The following MKNK1 variants were observed in gnomAD, a reference collection of about 807,000 sequenced individuals.
MKNK1 encodes the protein MAP kinase-interacting serine/threonine-protein kinase 1.
MKNK1 carries 30 observed loss-of-function variants against 49.3 expected under a neutral mutation model. That is an observed-to-expected ratio of 0.61 (90% confidence interval 0.46 to 0.83). The LOEUF is 0.83. MKNK1 is among the 40% of genes least tolerant of loss of function. MKNK1 has a pLI of 0.00. For synonymous variants in MKNK1, 176 were observed against 201.7 expected, an observed-to-expected ratio of 0.87 and a Z score of 1.08; for missense variants, 423 against 524.7, an observed-to-expected ratio of 0.81 and a Z score of 1.89.
intron 8 of MKNK1, chr1:46,565,464 T>C: frequency 2.9e-6 from 1 of 350,664 alleles, no homozygotes; most frequent in South Asian, 2.6e-5. Context: ...GGGAAGTTAC[T>C]GTGTACTCCT....
intron 7 of MKNK1, chr1:46,571,321 A>C (rs1027527471): frequency 1.8e-5 from 4 of 228,004 alleles, no homozygotes; most frequent in African/African-American, 9.5e-5. Context: ...AGGCAGGAGG[A>C]TCGCTTGAGC....
chr1:46,583,401 A>C, intron 2 of MKNK1, 72 bp from the exon 3 acceptor site: 1 of 1,205,290 alleles, frequency 8.3e-7, no homozygotes, highest in Non-Finnish European at 1.2e-6. Context: ...CAGAAGGAAA[A>C]AAAAAAGGTA....
At position 46,572,116 on chromosome 1, in the gene MKNK1, G is replaced by C; in HGVS notation, c.404C>G (p.Ala135Gly). 6.2e-7 allele frequency: 1 copy of C among 1,614,172 alleles called. No individual in the cohort carries two copies. Among genetic ancestry groups the C allele is most frequent in the Non-Finnish European group, 8.5e-7 (1 of 1,180,016 alleles). ...AGCAACGTCCCGCACCACTCGGCTG[G>C]CTTCTCGCTCATTGAAGTGCTTTTG... ...QKQKHFNEREASRVVRDVAAA... is the reference protein window; with the variant it reads ...QKQKHFNEREGSRVVRDVAAA... Residue 135 changes from alanine to glycine, a missense_variant, in exon 7 of 13, where the codon GCC becomes GGC. By Grantham distance (60) the Ala-to-Gly change is moderately conservative. Coordinates refer to ENST00000371945, the MANE Select transcript of MKNK1 (RefSeq NM_001135553.4).
chr1:46,591,894 A>G (rs534736026), intron 2 of MKNK1, among the ~76,000 whole-genome samples: 1 of 152,364 alleles, frequency 6.6e-6, no homozygotes, highest in South Asian at 2.1e-4. Flanking sequence ...TTGGAATTCA[A>G]TAAAACTGAC....
chr1:46,558,923 A>G, intron 12 of MKNK1, 123 bp from the exon 13 acceptor site: 1 of 796,862 alleles, frequency 1.3e-6, no homozygotes, highest in Non-Finnish European at 2.0e-6. Context: ...CAGAGCTGGG[A>G]CGGGCTGCTC....
intron 2 of MKNK1, among the ~76,000 whole-genome samples, chr1:46,590,741 G>C (rs1223471578): frequency 3.3e-5 from 5 of 152,272 alleles, no homozygotes; most frequent in African/African-American, 9.6e-5. Context: ...GATGTGCTGT[G>C]AATGAGGTAT....
In MKNK1 at chr1:46,564,044, C is replaced by CAAAAAAAAAAAAAAAAAAAAA. The variant is rs1217205121; in HGVS notation, c.609+976_609+996dup. On this transcript the variant is annotated intron_variant, in intron 9 of 12. Transcript: ENST00000371945. ...TGGGCAACAGAGCAAGACTCTGTCT[C>CAAAAAAAAAAAAAAAAAAAAA]AAAAAAAAAAAAAAAAAAAAAGGGT... Among the ~76,000 whole-genome samples, 138 of 39,076 alleles carry CAAAAAAAAAAAAAAAAAAAAA rather than the reference C, an allele frequency of 3.5e-3. 15 individuals are homozygous for CAAAAAAAAAAAAAAAAAAAAA. Among genetic ancestry groups the CAAAAAAAAAAAAAAAAAAAAA allele is most frequent in the African/African-American group, 0.011 (102 of 9,202 alleles). 25.6% of individuals were successfully genotyped at this position (39,076 alleles called of 152,430 possible).
intron 7 of MKNK1, chr1:46,571,558 G>C: frequency 2.3e-6 from 1 of 436,370 alleles, no homozygotes. Flanking sequence ...GAAAAAAAAG[G>C]AAAAAGAAAA....
At chr1:46,602,420 A>G (rs908276713) in intron 1 of MKNK1, among the ~76,000 whole-genome samples, 1 of 152,106 alleles carries the variant, frequency 6.6e-6, no homozygotes, top group Non-Finnish European at 1.5e-5. Flanking sequence ...TCAAAAAAAA[A>G]GGAGAAACAG....
intron 1 of MKNK1, among the ~76,000 whole-genome samples, chr1:46,595,672 C>G (rs1673972018): frequency 6.6e-6 from 1 of 152,166 alleles, no homozygotes; most frequent in Non-Finnish European, 1.5e-5. Context: ...AATCTGAAAC[C>G]CAGTAAAACT....
At chr1:46,596,463 A>G (rs572730409) in intron 1 of MKNK1, among the ~76,000 whole-genome samples, 1 of 152,206 alleles carries the variant, frequency 6.6e-6, no homozygotes, top group South Asian at 2.1e-4. Context: ...CCTACAGTAG[A>G]AAAAAAACCC....
At chr1:46,596,879 T>C (rs1356846940) in intron 1 of MKNK1, among the ~76,000 whole-genome samples, 1 of 152,110 alleles carries the variant, frequency 6.6e-6, no homozygotes. Context: ...TGACAGCAAA[T>C]ACAAAGGCAG....
rs1667713863 is a variant in MKNK1, at chr1:46,560,261, C to G, written c.986G>C (p.Gly329Ala). 2 of 1,613,960 alleles carry G rather than the reference C, an allele frequency of 1.2e-6. No individual in the cohort carries two copies. Among genetic ancestry groups the G allele is most frequent in the Non-Finnish European group, 1.7e-6 (2 of 1,180,012 alleles). The change falls in exon 12 of 13, where the codon GGA (glycine) becomes GCA (alanine). Residue 329 changes from glycine (G) to alanine (A), a missense_variant. Gly to Ala is a moderately conservative substitution (Grantham distance 60). Transcript: ENST00000371945. Reference sequence around the variant, plus strand: ...CTGGAGGACTTGCGGCGTGGGGAGTCCCTTTTCTGGAGCTTGCTAGAATGG... The same window carrying G: ...CTGGAGGACTTGCGGCGTGGGGAGTGCCTTTTCTGGAGCTTGCTAGAATGG... The part of the protein sequence containing the change: ...PWVQGQAPEK[G>A]LPTPQVLQRN...
rs1441183441 is a variant in MKNK1, at chr1:46,558,148, G to A, written c.*427C>T. 1 of 164,316 alleles carries A rather than the reference G, an allele frequency of 6.1e-6. No individual in the cohort carries two copies. Among genetic ancestry groups the A allele is most frequent in the African/African-American group, 2.4e-5 (1 of 41,772 alleles). The allele number at this position is 164,316 out of a possible 1,614,324, so 10.2% of individuals were successfully genotyped here. A position where few individuals can be genotyped will look rare whatever the true frequency, so the allele number is the denominator to read the frequency against. ...GAGGAAGGTGGAAGGACCGCCAGAG[G>A]AGGGTGACAGAGAAGAGAGGGAAGA... On this transcript the variant is annotated 3_prime_UTR_variant, in exon 13 of 13. Transcript: ENST00000371945.
chr1:46,562,641 G>A lies in MKNK1; in HGVS notation c.804+8C>T, dbSNP rs372203393. On this transcript the variant is annotated splice_region_variant and intron_variant, in intron 10 of 12. Transcript: ENST00000371945. ...GGTCTACGCAGTGCTCCCTGGGGCCGCACTCACCTGGCACACCCTGCAGAC... is the reference window on the plus strand; with the variant it reads ...GGTCTACGCAGTGCTCCCTGGGGCCACACTCACCTGGCACACCCTGCAGAC... The A allele has an allele frequency of 1.3e-5, 20 of 1,549,988 alleles. No homozygotes were observed. The highest frequency in any genetic ancestry group is 1.5e-5 in the Non-Finnish European group (17 of 1,147,014).
intron 10 of MKNK1, among the ~76,000 whole-genome samples, chr1:46,562,272 G>A (rs898415522): frequency 4.6e-5 from 7 of 151,866 alleles, no homozygotes; most frequent in South Asian, 2.1e-4. Flanking sequence ...GCCGGCGCCT[G>A]TAGTCCCAGC....
chr1:46,566,115 A>C (rs1032557872), intron 8 of MKNK1, among the ~76,000 whole-genome samples: 4 of 152,236 alleles, frequency 2.6e-5, no homozygotes, highest in African/African-American at 7.2e-5. Context: ...CAGAAACTCT[A>C]TACGCATTAA....
At chr1:46,583,457 T>G in intron 2 of MKNK1, 128 bp from the exon 3 acceptor site, 1 of 618,146 alleles carries the variant, frequency 1.6e-6, no homozygotes, top group Non-Finnish European at 2.8e-6. Flanking sequence ...TTTAAATATC[T>G]GTGAAGACTA....
chr1:46,600,332 C>A (rs1279675108), intron 1 of MKNK1, among the ~76,000 whole-genome samples: 6 of 152,198 alleles, frequency 3.9e-5, no homozygotes, highest in Non-Finnish European at 8.8e-5. Context: ...ATACCAGGGT[C>A]TTGTACATAG....
Sources: allele counts gnomAD v4.1 joint callset (sites outside exome capture counted in the v4.1 genomes callset), GRCh38; gene constraint gnomAD v4.1.1; transcripts MANE v1.5; gene names NCBI Gene and HGNC (gene_info 2026-07-23, HGNC 2026-07-21).